ZSWIM5: variants seen among roughly 807,000 people sequenced by gnomAD.
The protein encoded by ZSWIM5 is zinc finger SWIM domain-containing protein 5.
ZSWIM5 carries 55 observed loss-of-function variants against 119.6 expected under a neutral mutation model. The observed-to-expected ratio is 0.46, with a 90% CI of 0.37 to 0.58. ZSWIM5 has a LOEUF of 0.58. ZSWIM5 is among the 20% of genes least tolerant of loss of function. The pLI is 0.00. For synonymous variants in ZSWIM5, 537 were observed against 606.9 expected, an observed-to-expected ratio of 0.88 and a Z score of 1.69; for missense variants, 1,193 against 1,512.8, an observed-to-expected ratio of 0.79 and a Z score of 3.51.
intron 1 of ZSWIM5, among the ~76,000 whole-genome samples, chr1:45,157,741 G>T (rs1244047059): frequency 6.6e-6 from 1 of 152,130 alleles, no homozygotes; most frequent in Non-Finnish European, 1.5e-5. Context: ...TAGGGTAAGT[G>T]TATGTATGGA....
intron 2 of ZSWIM5, among the ~76,000 whole-genome samples, chr1:45,077,732 T>A (rs1176168059): frequency 1.3e-5 from 2 of 152,168 alleles, no homozygotes; most frequent in Non-Finnish European, 2.9e-5. Flanking sequence ...GTCTCAACCA[T>A]AAGAGACAGG....
intron 1 of ZSWIM5, among the ~76,000 whole-genome samples, chr1:45,192,403 T>C (rs898085727): frequency 6.6e-6 from 1 of 152,246 alleles, no homozygotes; most frequent in Non-Finnish European, 1.5e-5. Context: ...GTCTGGCTTA[T>C]TCACTTAGCA....
chr1:45,043,461 C>T, intron 5 of ZSWIM5, 66 bp from the exon 6 acceptor site: 2 of 1,520,386 alleles, frequency 1.3e-6, no homozygotes, highest in Admixed American at 3.4e-5. Flanking sequence ...CCTGGGTCTT[C>T]TTCAGGGTGG....
At position 45,148,976 on chromosome 1, in the gene ZSWIM5, T is replaced by C. The variant is rs75091233; in HGVS notation, c.595+56780A>G. 6.7e-3 allele frequency among the ~76,000 whole-genome samples: 1,018 copies of C among 152,320 alleles called. 10 individuals are homozygous for C. Among genetic ancestry groups the C allele is most frequent in the African/African-American group, 0.022 (909 of 41,570 alleles). ...CAACAAAACTCTTCAAAATACATATTAATAATTGTGGCTGGGCATGGTGGC... is the reference window on the plus strand; with the variant it reads ...CAACAAAACTCTTCAAAATACATATCAATAATTGTGGCTGGGCATGGTGGC... On this transcript the variant is annotated intron_variant, in intron 1 of 13. Coordinates refer to ENST00000359600, the MANE Select transcript of ZSWIM5 (RefSeq NM_020883.2).
intron 11 of ZSWIM5, among the ~76,000 whole-genome samples, chr1:45,027,822 G>A (rs1031093683): frequency 2.0e-5 from 3 of 152,088 alleles, no homozygotes; most frequent in Non-Finnish European, 2.9e-5. Context: ...GGGATTATGG[G>A]TGTGAGCCAC....
chr1:45,070,559 G>T, intron 2 of ZSWIM5: 3 of 466,104 alleles, frequency 6.4e-6, no homozygotes, highest in Non-Finnish European at 1.1e-5. Flanking sequence ...TGTTTTTGTA[G>T]TATCTAGTTG....
intron 1 of ZSWIM5, among the ~76,000 whole-genome samples, chr1:45,130,656 G>A (rs181379132): frequency 2.8e-4 from 42 of 152,252 alleles, no homozygotes; most frequent in Non-Finnish European, 5.0e-4. Flanking sequence ...ATGTAAAATG[G>A]TACAGTGAAC....
chr1:45,166,158 T>C (rs1645901462), intron 1 of ZSWIM5, among the ~76,000 whole-genome samples: 1 of 152,154 alleles, frequency 6.6e-6, no homozygotes, highest in South Asian at 2.1e-4. Context: ...CAAAGCTGGT[T>C]CAACATATGC....
intron 1 of ZSWIM5, among the ~76,000 whole-genome samples, chr1:45,194,766 A>T (rs921423236): frequency 1.3e-5 from 2 of 151,746 alleles, no homozygotes; most frequent in Middle Eastern, 3.2e-3. Context: ...AGTCCCAGCT[A>T]CTCGGGAGGC....
chr1:45,128,858 C>CT (rs1645637562), intron 1 of ZSWIM5, among the ~76,000 whole-genome samples: 1 of 152,064 alleles, frequency 6.6e-6, no homozygotes, highest in Admixed American at 6.6e-5. Flanking sequence ...AAAGTTTTAC[C>CT]TTTTCCCAAA....
intron 4 of ZSWIM5, 93 bp from the exon 5 acceptor site, chr1:45,051,346 A>G: frequency 7.7e-7 from 1 of 1,298,784 alleles, no homozygotes; most frequent in Non-Finnish European, 1.0e-6. Flanking sequence ...TGGTAGAGAA[A>G]GTTTCCAAAG....
Position 45,206,369 on chromosome 1 carries a change from T to C in ZSWIM5, c.-19A>G, listed in dbSNP as rs757271446. On this transcript the variant is annotated 5_prime_UTR_variant, in exon 1 of 14. Transcript: ENST00000359600. Reference sequence around the variant, plus strand: ...CCGCCATTGCTGGGGACTGACTGACTGACTGAGGCGGCGGCGGCTGCTCGG... The same window carrying C: ...CCGCCATTGCTGGGGACTGACTGACCGACTGAGGCGGCGGCGGCTGCTCGG... The C allele has an allele frequency of 2.3e-5, 31 of 1,370,842 alleles. No homozygotes were observed. The highest frequency in any genetic ancestry group is 2.5e-5 in the Non-Finnish European group (27 of 1,063,940). 84.9% of individuals were successfully genotyped at this position (1,370,842 alleles called of 1,614,324 possible).
chr1:45,206,216 C>G lies in ZSWIM5; in HGVS notation c.135G>C (p.Gly45=). The change falls in exon 1 of 14, where the codon GGG becomes GGC. Residue 45 remains glycine, a synonymous_variant. Transcript: ENST00000359600. Reference sequence around the variant, plus strand: ...GGACCAGGCAGCTGCTGCCGACGCCCCCTGCCCCTCCGCCGGCTGCCCCAG... The same window carrying G: ...GGACCAGGCAGCTGCTGCCGACGCCGCCTGCCCCTCCGCCGGCTGCCCCAG... ...GSPGAAGGGA[G]GVGSSCLVLG... The G allele has an allele frequency of 3.1e-6, 5 of 1,588,240 alleles. No individual in the cohort carries two copies. Among genetic ancestry groups the G allele is most frequent in the Non-Finnish European group, 4.3e-6 (5 of 1,168,870 alleles).
chr1:45,205,137 T>C (rs1646179801), intron 1 of ZSWIM5, among the ~76,000 whole-genome samples: 1 of 151,792 alleles, frequency 6.6e-6, no homozygotes, highest in South Asian at 2.1e-4. Flanking sequence ...TTTTTTTTTT[T>C]TTCCTTGGGT....
chr1:45,154,420 G>T (rs534286853), intron 1 of ZSWIM5, among the ~76,000 whole-genome samples: 1 of 152,232 alleles, frequency 6.6e-6, no homozygotes, highest in South Asian at 2.1e-4. Flanking sequence ...ACAGAATAGA[G>T]AACCCAGAAA....
At chr1:45,073,489 C>T (rs534050719) in intron 2 of ZSWIM5, among the ~76,000 whole-genome samples, 25 of 151,530 alleles carry the variant, frequency 1.6e-4, no homozygotes, top group Non-Finnish European at 3.1e-4. Context: ...AAACTCCTGA[C>T]CTTAGGTGAT....
At chr1:45,198,187 G>A (rs1646137657) in intron 1 of ZSWIM5, among the ~76,000 whole-genome samples, 1 of 152,192 alleles carries the variant, frequency 6.6e-6, no homozygotes, top group African/African-American at 2.4e-5. Context: ...CTTGACAGGT[G>A]CCAAAACCAC....
intron 1 of ZSWIM5, among the ~76,000 whole-genome samples, chr1:45,201,215 G>C (rs1646156308): frequency 6.6e-6 from 1 of 152,176 alleles, no homozygotes; most frequent in Non-Finnish European, 1.5e-5. Flanking sequence ...GTTGCAGAAG[G>C]AGCATAGCAC....
At chr1:45,051,340 A>G in intron 4 of ZSWIM5, 87 bp from the exon 5 acceptor site, 1 of 1,342,958 alleles carries the variant, frequency 7.4e-7, no homozygotes, top group Non-Finnish European at 1.0e-6. Flanking sequence ...TTTAGATGGT[A>G]GAGAAAGTTT....
Sources: allele counts gnomAD v4.1 joint callset (sites outside exome capture counted in the v4.1 genomes callset), GRCh38; gene constraint gnomAD v4.1.1; transcripts MANE v1.5; gene names NCBI Gene and HGNC (gene_info 2026-07-23, HGNC 2026-07-21).